The following LRP6 variants were observed in gnomAD, a reference collection of about 807,000 sequenced individuals.
The protein encoded by LRP6 is LDL receptor related protein 6, also known as low-density lipoprotein receptor-related protein 6.
LRP6 carries 43 observed loss-of-function variants against 184.1 expected under a neutral mutation model. The observed-to-expected ratio is 0.23, with a 90% CI of 0.18 to 0.30. The LOEUF is 0.30. LRP6 is among the 10% of genes least tolerant of loss of function. The pLI is 1.00. For synonymous variants in LRP6, 719 were observed against 684.9 expected, an observed-to-expected ratio of 1.05 and a Z score of -0.78; for missense variants, 1,571 against 2,005.3, an observed-to-expected ratio of 0.78 and a Z score of 4.14.
chr12:12,145,266 G>T (rs1949987614), intron 15 of LRP6, among the ~76,000 whole-genome samples: 2 of 151,974 alleles, frequency 1.3e-5, no homozygotes, highest in South Asian at 4.2e-4. Context: ...GTAAGTGTGT[G>T]CCTAACTGTC....
intron 1 of LRP6, among the ~76,000 whole-genome samples, chr12:12,245,907 T>C (rs570899512): frequency 6.6e-6 from 1 of 151,456 alleles, no homozygotes; most frequent in South Asian, 2.1e-4. Flanking sequence ...CTCCACTGCA[T>C]AACACAGTAC....
chr12:12,148,775 G>T (rs139495054), intron 14 of LRP6, among the ~76,000 whole-genome samples, 167 bp downstream of exon 14: 1 of 152,288 alleles, frequency 6.6e-6, no homozygotes, highest in African/African-American at 2.4e-5. Flanking sequence ...TGAAATCAGA[G>T]AAAGTGTAAG....
chr12:12,208,099 T>C (rs2137053831), intron 2 of LRP6, among the ~76,000 whole-genome samples: 1 of 152,330 alleles, frequency 6.6e-6, no homozygotes, highest in South Asian at 2.1e-4. Flanking sequence ...TTCAGCAACA[T>C]AAAAGAACTA....
chr12:12,159,586 T>C (rs1484513227), intron 11 of LRP6, among the ~76,000 whole-genome samples, 194 bp downstream of exon 11: 1 of 152,138 alleles, frequency 6.6e-6, no homozygotes, highest in Non-Finnish European at 1.5e-5. Flanking sequence ...ATAATGAAAC[T>C]TTCACATAAT....
At chr12:12,216,201 G>A (rs1272120675) in intron 2 of LRP6, among the ~76,000 whole-genome samples, 1 of 151,976 alleles carries the variant, frequency 6.6e-6, no homozygotes, top group Non-Finnish European at 1.5e-5. Context: ...CACACAAACA[G>A]GGAGAAGACA....
rs1361079584 is a variant in LRP6, at chr12:12,117,208, T to C, written c.*3918A>G. ...ACCAAATAAAATTAAATTCCTTGGG[T>C]TTAAGAATTCTGATAATGTTTTAAA... On this transcript the variant is annotated 3_prime_UTR_variant, in exon 23 of 23. Transcript: ENST00000261349. 1 of 152,210 alleles carries C rather than the reference T, an allele frequency of 6.6e-6. No individual in the cohort carries two copies. Among genetic ancestry groups the C allele is most frequent in the Admixed American group, 6.5e-5 (1 of 15,282 alleles). 9.4% of individuals were successfully genotyped at this position (152,210 alleles called of 1,614,324 possible).
At chr12:12,225,575 T>C (rs181844422) in intron 2 of LRP6, among the ~76,000 whole-genome samples, 3 of 152,084 alleles carry the variant, frequency 2.0e-5, no homozygotes, top group African/African-American at 7.2e-5. Context: ...TACCAGGTTC[T>C]CACAGTAAAG....
At chr12:12,151,244 T>G (rs1950076745) in intron 12 of LRP6, among the ~76,000 whole-genome samples, 1 of 152,192 alleles carries the variant, frequency 6.6e-6, no homozygotes. Context: ...AAATCAGTTA[T>G]GAATTTACCT....
intron 2 of LRP6, among the ~76,000 whole-genome samples, chr12:12,222,637 G>A (rs796421841): frequency 1.8e-4 from 28 of 151,774 alleles, no homozygotes; most frequent in African/African-American, 6.8e-4. Flanking sequence ...AAGACCCGCG[G>A]TGGATGCCTG....
chr12:12,166,377 CCTAT>C (rs1862878348), intron 7 of LRP6, among the ~76,000 whole-genome samples: 1 of 152,120 alleles, frequency 6.6e-6, no homozygotes, highest in Non-Finnish European at 1.5e-5. Flanking sequence ...TAACAGTGAA[CCTAT>C]GTCCTGCATT....
intron 15 of LRP6, among the ~76,000 whole-genome samples, chr12:12,145,530 C>T (rs1949993107): frequency 7.1e-6 from 1 of 140,114 alleles, no homozygotes; most frequent in Non-Finnish European, 1.5e-5. Context: ...CTCCCTCCCT[C>T]CCTCCCCCTT....
intron 7 of LRP6, among the ~76,000 whole-genome samples, chr12:12,176,198 A>G (rs1298381935): frequency 6.6e-6 from 1 of 152,174 alleles, no homozygotes; most frequent in African/African-American, 2.4e-5. Context: ...ATATAGTAAA[A>G]ATCAGGAGGG....
intron 7 of LRP6, among the ~76,000 whole-genome samples, chr12:12,168,762 C>T (rs1862952023): frequency 6.6e-6 from 1 of 151,948 alleles, no homozygotes; most frequent in African/African-American, 2.4e-5. Context: ...TGTGAGATGG[C>T]AAGAGAGGTC....
intron 7 of LRP6, among the ~76,000 whole-genome samples, chr12:12,170,397 T>A (rs1189443926): frequency 6.6e-6 from 1 of 152,114 alleles, no homozygotes; most frequent in Non-Finnish European, 1.5e-5. Flanking sequence ...ACATCCAAAA[T>A]TCTTTTCTCT....
In LRP6 at chr12:12,121,283, T is replaced by C. The variant is rs1437976919; in HGVS notation, c.4685A>G (p.Tyr1562Cys). 7 of 1,614,036 alleles carry C rather than the reference T, an allele frequency of 4.3e-6. No individual in the cohort carries two copies. The highest frequency in any genetic ancestry group is 2.7e-5 in the African/African-American group (2 of 74,920). ...AGGTGGGGGCACAGGTTCTGAATCA[T>C]AGTTCAAGTCACTGGTATAGCCCTT... ...TAKGYTSDLNYDSEPVPPPPT... is the reference protein window; with the variant it reads ...TAKGYTSDLNCDSEPVPPPPT... The change falls in exon 23 of 23, where the codon TAT becomes TGT. Residue 1562 changes from tyrosine (Y) to cysteine (C), a missense_variant. Around this residue, in one of 4 missense-constraint regions of LRP6, gnomAD observed 763 missense variants for 859.5 expected, o/e 0.89. Transcript: ENST00000261349.
chr12:12,134,382 C>A (rs180753156), intron 17 of LRP6, among the ~76,000 whole-genome samples: 89 of 152,042 alleles, frequency 5.9e-4, no homozygotes, highest in Admixed American at 3.9e-3. Flanking sequence ...TAGTCTTTTT[C>A]CTTCAGTTGA....
At chr12:12,170,368 A>G (rs1862999441) in intron 7 of LRP6, among the ~76,000 whole-genome samples, 1 of 152,136 alleles carries the variant, frequency 6.6e-6, no homozygotes, top group Admixed American at 6.5e-5. Flanking sequence ...TTTTAATAGT[A>G]TACTTTATTT....
At chr12:12,205,604 T>A (rs1316716520) in intron 2 of LRP6, among the ~76,000 whole-genome samples, 1 of 152,224 alleles carries the variant, frequency 6.6e-6, no homozygotes, top group Non-Finnish European at 1.5e-5. Context: ...TGGCTTCACA[T>A]ACATTATCTT....
At chr12:12,157,289 C>T (rs1862616159) in intron 12 of LRP6, among the ~76,000 whole-genome samples, 1 of 151,956 alleles carries the variant, frequency 6.6e-6, no homozygotes, top group Non-Finnish European at 1.5e-5. Context: ...GCTCTAGCTT[C>T]CACATACATC....
Sources: gnomAD v4.1 joint callset for allele counts (sites outside exome capture counted in the v4.1 genomes callset) on GRCh38, gnomAD v4.1.1 for gene constraint, gnomAD v4.1.1 regional missense constraint, MANE v1.5 for transcripts, NCBI Gene and HGNC (gene_info 2026-07-23, HGNC 2026-07-21) for gene names.